Variants in GLDN observed in about 807,000 individuals in gnomAD.
GLDN encodes the protein collomin.
GLDN carries 47 observed loss-of-function variants against 56.5 expected under a neutral mutation model. The observed-to-expected ratio is 0.83, with a 90% CI of 0.66 to 1.06. GLDN has a LOEUF of 1.06. GLDN is among the 50% of genes least tolerant of loss of function. The pLI is 0.00. For missense variants in GLDN, 782 were observed against 714.3 expected (o/e 1.09, Z -1.08); for synonymous variants, 332 against 278.8 (o/e 1.19, Z -1.90).
intron 1 of GLDN, among the ~76,000 whole-genome samples, chr15:51,376,135 A>C (rs1249653778): frequency 6.6e-6 from 1 of 152,216 alleles, no homozygotes; most frequent in Non-Finnish European, 1.5e-5. Context: ...CATTCTAAGA[A>C]ATACGTCATT....
intron 1 of GLDN, among the ~76,000 whole-genome samples, chr15:51,351,751 C>T (rs2141051380): frequency 6.6e-6 from 1 of 152,324 alleles, no homozygotes; most frequent in Admixed American, 6.5e-5. Flanking sequence ...CATTCTCTCT[C>T]CCTAATTCTT....
rs1245890404 is a variant in GLDN at position 51,377,518 on chromosome 15, C to T, written c.415+18C>T. 1.9e-6 allele frequency: 3 copies of T among 1,609,830 alleles called. No individual in the cohort carries two copies. Among genetic ancestry groups the T allele is most frequent in the African/African-American group, 1.3e-5 (1 of 74,950 alleles). On this transcript the variant is annotated intron_variant, in intron 2 of 9. Transcript: ENST00000335449. Reference sequence around the variant, plus strand: ...CCTCACAGGTAGGCTGGCCGCTGAGCAGAGCCGCTCACACAACAAGGACTT... The same window carrying T: ...CCTCACAGGTAGGCTGGCCGCTGAGTAGAGCCGCTCACACAACAAGGACTT...
At chr15:51,368,120 C>T (rs2037442079) in intron 1 of GLDN, among the ~76,000 whole-genome samples, 2 of 152,264 alleles carry the variant, frequency 1.3e-5, no homozygotes, top group African/African-American at 4.8e-5. Context: ...AATATCATTG[C>T]TTGGGGAGCA....
At chr15:51,408,557 A>G (rs1185139238), downstream of GLDN, among the ~76,000 whole-genome samples, 1 of 151,832 alleles carries the variant, frequency 6.6e-6, no homozygotes, top group East Asian at 1.9e-4. Context: ...CTTTTTTTAT[A>G]CTTTAAGTTC....
chr15:51,374,644 G>A (rs1039576312), intron 1 of GLDN, among the ~76,000 whole-genome samples: 8 of 152,024 alleles, frequency 5.3e-5, no homozygotes, highest in African/African-American at 1.9e-4. Flanking sequence ...GTCTTCCAAG[G>A]CATTGGTAAA....
At chr15:51,369,452 T>C (rs539252846) in intron 1 of GLDN, among the ~76,000 whole-genome samples, 6 of 152,226 alleles carry the variant, frequency 3.9e-5, no homozygotes, top group Non-Finnish European at 8.8e-5. Flanking sequence ...AGAGAAACCA[T>C]GACAGGCCTC....
rs1195125118 is a variant in GLDN at position 51,390,921 on chromosome 15, C to T, written c.542-3914C>T. Among the ~76,000 whole-genome samples, 5 of 152,282 alleles carry T rather than the reference C, an allele frequency of 3.3e-5. No individual in the cohort carries two copies. In the East Asian group the frequency reaches 9.7e-4, roughly 29 times the overall value. The stretch of plus-strand genomic sequence containing the variant: ...AGTGTCACTGTGCACGGCTAGCATC[C>T]CTGACCTTCCCTGGGACAGGGCAGG... On this transcript the variant is annotated intron_variant, in intron 4 of 9. Coordinates refer to ENST00000335449, the MANE Select transcript of GLDN (RefSeq NM_181789.4).
At chr15:51,363,607 G>C (rs1340593937) in intron 1 of GLDN, among the ~76,000 whole-genome samples, 1 of 152,164 alleles carries the variant, frequency 6.6e-6, no homozygotes, top group Non-Finnish European at 1.5e-5. Flanking sequence ...GCGAGTGGGA[G>C]GGAAAAGAAA....
chr15:51,345,294 A>C (rs1479376160), intron 1 of GLDN, among the ~76,000 whole-genome samples: 2 of 152,206 alleles, frequency 1.3e-5, no homozygotes, highest in Non-Finnish European at 2.9e-5. Flanking sequence ...TATTTTCATA[A>C]ATTAAACAAA....
At chr15:51,394,761 A>T in intron 4 of GLDN, 74 bp from the exon 5 acceptor site, 4 of 1,512,178 alleles carry the variant, frequency 2.6e-6, no homozygotes, top group Non-Finnish European at 3.6e-6. Context: ...GAAAGCACAA[A>T]GCACAGTAAT....
downstream of GLDN, among the ~76,000 whole-genome samples, chr15:51,410,856 A>G (rs191750098): frequency 1.3e-5 from 2 of 152,228 alleles, no homozygotes; most frequent in Non-Finnish European, 2.9e-5. Context: ...CTAACCAGGT[A>G]TGATCCCAGA....
intron 1 of GLDN, among the ~76,000 whole-genome samples, chr15:51,375,968 C>A (rs1161543060): frequency 6.6e-6 from 1 of 152,146 alleles, no homozygotes; most frequent in Non-Finnish European, 1.5e-5. Flanking sequence ...TTGGCAATTC[C>A]CTCGTCATCC....
chr15:51,356,100 C>A (rs1445908176), intron 1 of GLDN, among the ~76,000 whole-genome samples: 4 of 151,390 alleles, frequency 2.6e-5, no homozygotes, highest in Non-Finnish European at 4.4e-5. Flanking sequence ...CCAGCCACTC[C>A]AGAGGCTGAG....
chr15:51,358,206 T>C (rs1409703050), intron 1 of GLDN, among the ~76,000 whole-genome samples: 1 of 152,142 alleles, frequency 6.6e-6, no homozygotes, highest in Admixed American at 6.5e-5. Context: ...CAAAGGTCAA[T>C]GAATATTCTT....
At chr15:51,404,122 C>T (rs2038315680) in intron 9 of GLDN, among the ~76,000 whole-genome samples, 155 bp from the exon 10 acceptor site, 1 of 152,180 alleles carries the variant, frequency 6.6e-6, no homozygotes, top group South Asian at 2.1e-4. Flanking sequence ...TGCCCAAGGA[C>T]CAGCAGAGCA....
At chr15:51,342,247 G>C (rs2036900518) in intron 1 of GLDN, among the ~76,000 whole-genome samples, 200 bp downstream of exon 1, 1 of 152,250 alleles carries the variant, frequency 6.6e-6, no homozygotes, top group African/African-American at 2.4e-5. Context: ...TGAGGTTGGG[G>C]ACAGGGTGAA....
rs1459611043 is a variant in GLDN, at chr15:51,377,201, C to T, written c.364-248C>T. The T allele has an allele frequency of 5.6e-6, 3 of 537,732 alleles. No homozygotes were observed. In the East Asian group the frequency reaches 9.2e-5, roughly 16 times the overall value. 33.3% of individuals were successfully genotyped at this position (537,732 alleles called of 1,614,324 possible). A position where few individuals can be genotyped will look rare whatever the true frequency, so the allele number is the denominator to read the frequency against. On this transcript the variant is annotated intron_variant, in intron 1 of 9. Coordinates refer to ENST00000335449, the MANE Select transcript of GLDN (RefSeq NM_181789.4). The stretch of plus-strand genomic sequence containing the variant: ...CACGAAGTCATGCATTGCACCAAGA[C>T]ACTACCCCGTGACTGGACAAATGAG...
chr15:51,346,365 G>A (rs1214470110), intron 1 of GLDN, among the ~76,000 whole-genome samples: 1 of 152,144 alleles, frequency 6.6e-6, no homozygotes, highest in African/African-American at 2.4e-5. Flanking sequence ...GGAAAGTTCC[G>A]AAATAATCTT....
chr15:51,396,294 A>G (rs2038127333), intron 5 of GLDN, among the ~76,000 whole-genome samples: 1 of 152,226 alleles, frequency 6.6e-6, no homozygotes, highest in South Asian at 2.1e-4. Context: ...CTGAGCAGAC[A>G]TTCAGATGCA....
Sources: allele counts gnomAD v4.1 joint callset (sites outside exome capture counted in the v4.1 genomes callset), GRCh38; gene constraint gnomAD v4.1.1; transcripts MANE v1.5; gene names NCBI Gene and HGNC (gene_info 2026-07-23, HGNC 2026-07-21).